DNAH5: variants seen among roughly 807,000 people sequenced by gnomAD.
DNAH5 encodes the protein dynein axonemal heavy chain 5, also known as axonemal beta dynein heavy chain 5.
DNAH5 carries 372 observed loss-of-function variants against 518.2 expected under a neutral mutation model. That is an observed-to-expected ratio of 0.72 (90% CI 0.66 to 0.78). DNAH5 has a LOEUF of 0.78. Among genes scored for constraint, DNAH5 ranks in the 30% least tolerant of loss-of-function variants. The pLI is 0.00. For synonymous variants in DNAH5, 2,039 were observed against 2,025.9 expected (o/e 1.01, Z -0.17); for missense variants, 5,523 against 5,687.0 (o/e 0.97, Z 0.93).
At chr5:13,884,893 T>A in intron 19 of DNAH5, 96 bp downstream of exon 19, 3 of 1,525,154 alleles carry the variant, frequency 2.0e-6, no homozygotes, top group Non-Finnish European at 2.7e-6. Flanking sequence ...TTAACAGGAA[T>A]GTACATGCAC....
At chr5:13,800,436 C>T (rs1452384562) in intron 47 of DNAH5, among the ~76,000 whole-genome samples, 1 of 152,186 alleles carries the variant, frequency 6.6e-6, no homozygotes, top group East Asian at 1.9e-4. Context: ...GTGCTCAATT[C>T]AGAAAGTGGC....
intron 12 of DNAH5, among the ~76,000 whole-genome samples, chr5:13,909,508 T>C (rs751169758): frequency 1.3e-5 from 2 of 152,038 alleles, no homozygotes; most frequent in Non-Finnish European, 2.9e-5. Context: ...TCTGAAGCCT[T>C]TCCTAACCCC....
chr5:13,867,090 G>A (rs1769364100), intron 25 of DNAH5, among the ~76,000 whole-genome samples: 2 of 152,136 alleles, frequency 1.3e-5, no homozygotes, highest in Admixed American at 1.3e-4. Context: ...AACTGCATGC[G>A]AATAGTACTT....
At chr5:13,834,264 G>C (rs1317290087) in intron 35 of DNAH5, among the ~76,000 whole-genome samples, 1 of 152,144 alleles carries the variant, frequency 6.6e-6, no homozygotes, top group Non-Finnish European at 1.5e-5. Context: ...AATGAACACA[G>C]TGGAAGAATC....
At chr5:13,844,255 G>A (rs895315) in intron 32 of DNAH5, among the ~76,000 whole-genome samples, 60,950 of 151,984 alleles carry the variant, frequency 0.4, 12,614 homozygotes, top group East Asian at 0.61. Flanking sequence ...TTTGTATGAA[G>A]CACCAGAGGG....
At chr5:13,992,987 T>C (rs1389167522) in intron 1 of DNAH5, among the ~76,000 whole-genome samples, 2 of 152,212 alleles carry the variant, frequency 1.3e-5, no homozygotes, top group African/African-American at 4.8e-5. Context: ...TTTTGAGAAG[T>C]GGAAATCTAT....
intron 66 of DNAH5, among the ~76,000 whole-genome samples, chr5:13,736,722 C>T (rs1048939238): frequency 4.6e-5 from 7 of 152,020 alleles, no homozygotes; most frequent in South Asian, 2.1e-4. Flanking sequence ...CAACCATGCC[C>T]GGCCGATTAT....
At chr5:13,763,011 G>A (rs1272397150) in intron 59 of DNAH5, 110 bp from the exon 60 acceptor site, 5 of 920,648 alleles carry the variant, frequency 5.4e-6, no homozygotes, top group African/African-American at 1.6e-5. Context: ...AATGAATGAA[G>A]GGCATCATAT....
intron 12 of DNAH5, 64 bp from the exon 13 acceptor site, chr5:13,902,202 T>C (rs1187479255): frequency 1.7e-6 from 2 of 1,201,292 alleles, no homozygotes; most frequent in Non-Finnish European, 2.4e-6. Context: ...AGCAACAAGA[T>C]AAAAGAGCTT....
chr5:13,813,512 G>A (rs985025773), intron 43 of DNAH5, among the ~76,000 whole-genome samples: 1 of 147,444 alleles, frequency 6.8e-6, no homozygotes, highest in Non-Finnish European at 1.5e-5. Context: ...AATTTGGTAA[G>A]ATTGAAGTGT....
At position 13,983,971 on chromosome 5, in the gene DNAH5, G is replaced by C. The variant is rs34679300; in HGVS notation, c.12+27677C>G. The stretch of plus-strand genomic sequence containing the variant: ...CAGAACCTGTGGCATTTTCAGTTAC[G>C]TTAGGTGGGAGGTGGAAGTAGAGTT... On this transcript the variant is annotated intron_variant, in intron 1 of 78. Transcript: ENST00000681290. Among the ~76,000 whole-genome samples, 561 of 152,278 alleles carry C rather than the reference G, an allele frequency of 3.7e-3. 5 individuals carry two copies. Among genetic ancestry groups the C allele is most frequent in the Non-Finnish European group, 5.6e-3 (382 of 68,012 alleles).
rs531554084 is a variant in DNAH5 at position 13,839,266 on chromosome 5, C to A, written c.5882+90G>T. On this transcript the variant is annotated intron_variant, in intron 35 of 78. Coordinates refer to ENST00000265104, the MANE Select transcript of DNAH5 (RefSeq NM_001369.3). Reference sequence around the variant, plus strand: ...ATTTCAAAGGTTTTAGTATAAAGAGCCTATAAACCCTAAGAGACTTTAAGC... The same window carrying A: ...ATTTCAAAGGTTTTAGTATAAAGAGACTATAAACCCTAAGAGACTTTAAGC... The A allele has an allele frequency of 3.4e-5, 39 of 1,156,402 alleles. No individual in the cohort carries two copies. In the East Asian group the frequency reaches 8.9e-4, roughly 26 times the overall value. The allele number at this position is 1,156,402 out of a possible 1,614,324, so 71.6% of individuals were successfully genotyped here.
At position 13,929,126 on chromosome 5, in the gene DNAH5, A is replaced by G. The variant is rs111512948; in HGVS notation, c.193-948T>C. ...AAGCGATAAACAAAATGTGGTATAC[A>G]TATACAAGGGAATATAATCCAGCCT... On this transcript the variant is annotated intron_variant, in intron 2 of 78. Coordinates refer to ENST00000265104, the MANE Select transcript of DNAH5 (RefSeq NM_001369.3). 2.6e-3 allele frequency among the ~76,000 whole-genome samples: 394 copies of G among 152,368 alleles called. 3 individuals are homozygous for G. Among genetic ancestry groups the G allele is most frequent in the African/African-American group, 8.9e-3 (371 of 41,580 alleles).
chr5:13,978,332 C>T (rs1047317962), intron 1 of DNAH5, among the ~76,000 whole-genome samples: 4 of 152,118 alleles, frequency 2.6e-5, no homozygotes, highest in South Asian at 2.1e-4. Flanking sequence ...ACTTCCAGTA[C>T]GGGAGATTAC....
In DNAH5 at chr5:13,883,014, C is replaced by T. The variant is rs375218798; in HGVS notation, c.3064G>A (p.Val1022Ile). 1.7e-5 allele frequency: 27 copies of T among 1,614,090 alleles called. No homozygotes were observed. Among genetic ancestry groups the T allele is most frequent in the East Asian group, 1.6e-4 (7 of 44,876 alleles). The change falls in exon 20 of 79, where the codon GTC becomes ATC. Residue 1022 changes from valine to isoleucine, a missense_variant. By Grantham distance (29) the Val-to-Ile change is conservative. Around this residue, in one of 3 missense-constraint regions of DNAH5, gnomAD observed 5,121 missense variants for 5,223.3 expected, o/e 0.98. Transcript: ENST00000265104. ...ACATCTTCCAGGGCAGGGGCCATGA[C>T]GATGTTGGGAATGGCCAGAGTGACG... Reference protein sequence around the residue: ...ASVTLAIPNIVMAPALEDVQQ... With the variant: ...ASVTLAIPNIIMAPALEDVQQ...
At chr5:13,943,740 C>T (rs1367740298) in intron 1 of DNAH5, among the ~76,000 whole-genome samples, 2 of 152,178 alleles carry the variant, frequency 1.3e-5, no homozygotes, top group African/African-American at 2.4e-5. Context: ...CAAAAAGACA[C>T]AGTGATCAAG....
At position 13,708,320 on chromosome 5, in the gene DNAH5, G is replaced by A; in HGVS notation, c.13141C>T (p.Gln4381Ter). The A allele has an allele frequency of 6.2e-7, 1 of 1,613,998 alleles. No individual in the cohort carries two copies. The highest frequency in any genetic ancestry group is 8.5e-7 in the Non-Finnish European group (1 of 1,179,994). The change falls in exon 76 of 79, where the codon CAG (glutamine) becomes TAG (stop). Residue 4381 changes from glutamine to a stop codon, truncating the protein, a stop_gained. Transcript: ENST00000265104. LOFTEE classifies it high-confidence loss of function. ...ATAGGCTGGAATGGCCCCATCTTCT[G>A]CAGCCTCTCTTTTACCTGCCATGGA... Reference protein sequence around the residue: ...YVPFEVKERLQKMGPFQPMNI... With the variant: ...YVPFEVKERL
In DNAH5 at chr5:13,891,131, A is replaced by G; in HGVS notation, c.2432-10T>C. ...AGCAACTCCAGGTCCTCTTTGGGAA[A>G]AAATAAAAGTAAATAAAAGAGATTA... On this transcript the variant is annotated splice_polypyrimidine_tract_variant and intron_variant, in intron 16 of 78. Coordinates refer to ENST00000265104, the MANE Select transcript of DNAH5 (RefSeq NM_001369.3). The G allele has an allele frequency of 6.2e-7, 1 of 1,613,984 alleles. No individual in the cohort carries two copies. The highest frequency in any genetic ancestry group is 8.5e-7 in the Non-Finnish European group (1 of 1,179,946).
intron 12 of DNAH5, among the ~76,000 whole-genome samples, chr5:13,907,415 T>C (rs551588951): frequency 6.6e-6 from 1 of 151,342 alleles, no homozygotes; most frequent in Non-Finnish European, 1.5e-5. Flanking sequence ...TGGGCAAGAG[T>C]GAAACTCTGT....
Sources: allele counts gnomAD v4.1 joint callset (sites outside exome capture counted in the v4.1 genomes callset), GRCh38; gene constraint gnomAD v4.1.1; regional missense constraint gnomAD v4.1.1; transcripts MANE v1.5; gene names NCBI Gene and HGNC (gene_info 2026-07-23, HGNC 2026-07-21).